MRPL28: variants seen among roughly 807,000 people sequenced by gnomAD.
The protein encoded by MRPL28 is mitochondrial ribosomal protein L28, also known as large ribosomal subunit protein bL28m.
MRPL28 carries 25 observed loss-of-function variants against 26.2 expected under a neutral mutation model. The observed-to-expected ratio is 0.95, with a 90% CI of 0.69 to 1.33. The LOEUF is 1.33. Among genes scored for constraint, MRPL28 ranks in the 40% most tolerant of loss-of-function variants. MRPL28 has a pLI of 0.00. For missense variants in MRPL28, 432 were observed against 327.2 expected (o/e 1.32, Z -2.47); for synonymous variants, 227 against 140.1 (o/e 1.62, Z -4.38).
At chr16:367,932 T>TC in intron 5 of MRPL28, 150 bp from the exon 6 acceptor site, 1 of 664,084 alleles carries the variant, frequency 1.5e-6, no homozygotes, top group Admixed American at 2.7e-5. Flanking sequence ...AGGAACCCCC[T>TC]CCCTTGGGGA....
chr16:368,974 AGCG>A, intron 3 of MRPL28, 91 bp downstream of exon 3: 1 of 1,441,376 alleles, frequency 6.9e-7, no homozygotes, highest in Non-Finnish European at 9.5e-7. Context: ...TGCAGATGTC[AGCG>A]TGCCCCGGTG....
At chr16:368,235 C>A (rs1383756950) in intron 5 of MRPL28, 93 bp downstream of exon 5, 2 of 1,424,808 alleles carry the variant, frequency 1.4e-6, no homozygotes, top group Non-Finnish European at 2.0e-6. Flanking sequence ...AGTGCACCAG[C>A]CCCTTGTGCA....
chr16:369,093 T>C lies in MRPL28; in HGVS notation c.416A>G (p.Tyr139Cys). The C allele has an allele frequency of 1.2e-6, 2 of 1,613,932 alleles. No homozygotes were observed. The highest frequency in any genetic ancestry group is 1.7e-5 in the Admixed American group (1 of 60,010). The stretch of plus-strand genomic sequence containing the variant: ...CTTGAGGATGTAAAAGTCGAGCCCA[T>C]AAGCCTCATCGATGAGGTCCAGGGT... ...MRTLDLIDEA[Y>C]GLDFYILKTP... The change falls in exon 3 of 6, where the codon TAT becomes TGT. Residue 139 changes from tyrosine (Y) to cysteine (C), a missense_variant. Physicochemically the swap from Tyr to Cys is radical, Grantham distance 194 (BLOSUM62 -2). Coordinates refer to ENST00000199706, the MANE Select transcript of MRPL28 (RefSeq NM_006428.5).
intron 2 of MRPL28, chr16:369,574 G>A (rs961878972): frequency 8.1e-6 from 5 of 615,746 alleles, no homozygotes; most frequent in Admixed American, 4.3e-5. Context: ...AGTCCCGCCA[G>A]GAAGTCCACC....
At chr16:369,718 G>C (rs1403702816) in intron 2 of MRPL28, 6 of 738,060 alleles carry the variant, frequency 8.1e-6, no homozygotes, top group Non-Finnish European at 2.3e-6. Flanking sequence ...TTGCTCCCCC[G>C]GCCTGAGTCA....
At chr16:368,263 C>T in intron 5 of MRPL28, 65 bp downstream of exon 5, 1 of 1,569,480 alleles carries the variant, frequency 6.4e-7, no homozygotes. Flanking sequence ...TCCAAGGCAG[C>T]ACACTCCCAG....
rs76061463 is a variant in MRPL28, at chr16:369,707, G to T, written c.288+224C>A. ...TTACCCCGACTCCCCACGGCCTCTG[G>T]TTGCTCCCCCGGCCTGAGTCACCCC... On this transcript the variant is annotated intron_variant, in intron 2 of 5. Coordinates refer to ENST00000199706, the MANE Select transcript of MRPL28 (RefSeq NM_006428.5). 1,920 of 713,896 alleles carry T rather than the reference G, an allele frequency of 2.7e-3. 31 individuals carry two copies. The African/African-American group carries it at 0.036, about 13-fold the overall frequency. 44.2% of individuals were successfully genotyped at this position (713,896 alleles called of 1,614,324 possible).
Position 367,054 on chromosome 16 carries a change from A to G in MRPL28, c.*621T>C, listed in dbSNP as rs976216514. Among the ~76,000 whole-genome samples the G allele has an allele frequency of 7.2e-5, 11 of 152,098 alleles. No homozygotes were observed. The highest frequency in any genetic ancestry group is 2.4e-4 in the African/African-American group (10 of 41,400). ...GAAACCCCTTCTCTACTAAAATACA[A>G]TTAGCCATACATGATAGCGGGGTGC... On this transcript the variant is annotated 3_prime_UTR_variant, in exon 6 of 6. Transcript: ENST00000199706.
rs751275185 is a variant in MRPL28, at chr16:369,133, T to G, written c.376A>C (p.Thr126Pro). 6.2e-7 allele frequency: 1 copy of G among 1,614,060 alleles called. No homozygotes were observed. The highest frequency in any genetic ancestry group is 1.1e-5 in the South Asian group (1 of 91,088). Residue 126 changes from threonine (T) to proline (P), a missense_variant, in exon 3 of 6, where the codon ACT becomes CCT. Coordinates refer to ENST00000199706, the MANE Select transcript of MRPL28 (RefSeq NM_006428.5). Reference sequence around the variant, plus strand: ...AGGTCCAGGGTCCGCATGGTCACAGTCACTGTGAACTTCTTGTCCAGGATC... The same window carrying G: ...AGGTCCAGGGTCCGCATGGTCACAGGCACTGTGAACTTCTTGTCCAGGATC... ...SEILDKKFTV[T>P]VTMRTLDLID...
At position 369,137 on chromosome 16, in the gene MRPL28, T is replaced by C. The variant is rs368450347; in HGVS notation, c.372A>G (p.Thr124=). ...FYSEILDKKF[T]VTVTMRTLDL... ...CCAGGGTCCGCATGGTCACAGTCAC[T>C]GTGAACTTCTTGTCCAGGATCTCAC... Residue 124 remains threonine, a synonymous_variant, in exon 3 of 6, where the codon ACA becomes ACG. Transcript: ENST00000199706. 6.9e-5 allele frequency: 111 copies of C among 1,613,956 alleles called. No homozygotes were observed. The highest frequency in any genetic ancestry group is 9.1e-5 in the Non-Finnish European group (107 of 1,179,952).
Position 368,405 on chromosome 16 carries a change from T to C in MRPL28, c.586A>G (p.Ile196Val), listed in dbSNP as rs2054280988. ...ACCCACTCTGCCTCCTCCTCTGGGA[T>C]GGCAAATTCCTAGGCAGGCAGAGAT... ...AIYDKYKEFAIPEEEAEWVGL... is the reference protein window; with the variant it reads ...AIYDKYKEFAVPEEEAEWVGL... Residue 196 changes from isoleucine (I) to valine (V), a missense_variant, in exon 5 of 6, where the codon ATC (isoleucine) becomes GTC (valine). Ile to Val is a conservative substitution (Grantham distance 29). Transcript: ENST00000199706. The C allele has an allele frequency of 7.4e-6, 12 of 1,613,724 alleles. No individual in the cohort carries two copies. The highest frequency in any genetic ancestry group is 1.0e-5 in the Non-Finnish European group (12 of 1,179,964).
chr16:370,181 C>T lies in MRPL28; in HGVS notation c.38G>A (p.Arg13Gln), dbSNP rs762549178. Residue 13 changes from arginine to glutamine, a missense_variant, in exon 2 of 6, where the codon CGG becomes CAG. By Grantham distance (43) the Arg-to-Gln change is conservative. Coordinates refer to ENST00000199706, the MANE Select transcript of MRPL28 (RefSeq NM_006428.5). ...ACAGATGCCCTCCCGCAGCTGCAGC[C>T]GCTTCCAGAGCCACACGGGATACTT... ...LHKYPVWLWKRLQLREGICSR... is the reference protein window; with the variant it reads ...LHKYPVWLWKQLQLREGICSR... 1.3e-6 allele frequency: 2 copies of T among 1,598,834 alleles called. No individual in the cohort carries two copies. The highest frequency in any genetic ancestry group is 2.2e-5 in the East Asian group (1 of 44,470).
chr16:368,846 GCCCCACGGGCAAGTCAGCCAC>G, intron 3 of MRPL28: 1 of 986,088 alleles, frequency 1.0e-6, no homozygotes, highest in Non-Finnish European at 1.4e-6. Context: ...GCTCGCTCAG[GCCCCACGGGCAAGTCAGCCAC>G]CCACAGAGCG....
chr16:369,307 C>G (rs577792200), intron 2 of MRPL28, 87 bp from the exon 3 acceptor site: 93 of 1,508,254 alleles, frequency 6.2e-5, no homozygotes, highest in South Asian at 1.1e-4. Context: ...ACCTCCCCCC[C>G]GGAGGCTCCA....
rs751059651 is a variant in MRPL28 at position 370,151 on chromosome 16, C to A, written c.68G>T (p.Arg23Leu). The A allele has an allele frequency of 1.2e-6, 2 of 1,602,544 alleles. No individual in the cohort carries two copies. The highest frequency in any genetic ancestry group is 1.7e-5 in the Admixed American group (1 of 58,888). ...GGAGCGCAGGTAGTGGCCGGGCAGG[C>A]GGGAACAGATGCCCTCCCGCAGCTG... ...RLQLREGICS[R>L]LPGHYLRSLE... Residue 23 changes from arginine to leucine, a missense_variant, in exon 2 of 6, where the codon CGC becomes CTC. By Grantham distance (102) the Arg-to-Leu change is moderately radical. Transcript: ENST00000199706.
rs747834328 is a variant in MRPL28, at chr16:369,599, AGCTCTGCTCGCCTCCCCCACCT to A, written c.288+310_288+331del. Reference sequence around the variant, plus strand: ...GGAAGTCCACCACAAGCAGCCTCGAAGCTCTGCTCGCCTCCCCCACCTGCTCTGCTCGCCTCTCCCACCTGCT... The same window carrying A: ...GGAAGTCCACCACAAGCAGCCTCGAAGCTCTGCTCGCCTCTCCCACCTGCT... On this transcript the variant is annotated intron_variant, in intron 2 of 5. Transcript: ENST00000199706. 717 of 615,098 alleles carry A rather than the reference AGCTCTGCTCGCCTCCCCCACCT, an allele frequency of 1.2e-3. 6 individuals are homozygous for A. Among genetic ancestry groups the A allele is most frequent in the South Asian group, 0.01 (653 of 64,028 alleles). 38.1% of individuals were successfully genotyped at this position (615,098 alleles called of 1,614,324 possible).
At position 369,936 on chromosome 16, in the gene MRPL28, CGTT is replaced by C; in HGVS notation, c.280_282del (p.Asn94del). Reference sequence around the variant, plus strand: ...AAGGCCGCCTGCGGACCCACCTTGTCGTTGTTGGCATATATTTGGCCCAGGATC... The same window carrying C: ...AAGGCCGCCTGCGGACCCACCTTGTCGTTGGCATATATTTGGCCCAGGATC... On this transcript the variant is annotated inframe_deletion, in exon 2 of 6. Coordinates refer to ENST00000199706, the MANE Select transcript of MRPL28 (RefSeq NM_006428.5). 1 of 1,609,322 alleles carries C rather than the reference CGTT, an allele frequency of 6.2e-7. No individual in the cohort carries two copies.
At position 370,133 on chromosome 16, in the gene MRPL28, A is replaced by G; in HGVS notation, c.86T>C (p.Leu29Pro). ...CGTCCGCTCCTCCTCCAGGGAGCGC[A>G]GGTAGTGGCCGGGCAGGCGGGAACA... ...GICSRLPGHY[L>P]RSLEEERTPT... Residue 29 changes from leucine to proline, a missense_variant, in exon 2 of 6, where the codon CTG becomes CCG. Leu to Pro is a moderately conservative substitution (Grantham distance 98). Transcript: ENST00000199706. The G allele has an allele frequency of 6.2e-7, 1 of 1,607,300 alleles. No homozygotes were observed.
chr16:370,188 A>G lies in MRPL28; in HGVS notation c.31T>C (p.Trp11Arg). 1.9e-6 allele frequency: 3 copies of G among 1,598,338 alleles called. No individual in the cohort carries two copies. The highest frequency in any genetic ancestry group is 8.5e-7 in the Non-Finnish European group (1 of 1,176,918). MPLHKYPVWL[W>R]KRLQLREGIC... ...CCCTCCCGCAGCTGCAGCCGCTTCC[A>G]GAGCCACACGGGATACTTGTGTAGA... is the stretch of plus-strand genomic sequence containing the variant. The change falls in exon 2 of 6, where the codon TGG becomes CGG. Residue 11 changes from tryptophan (W) to arginine (R), a missense_variant. Physicochemically the swap from Trp to Arg is moderately radical, Grantham distance 101. Transcript: ENST00000199706.
Sources: allele counts gnomAD v4.1 joint callset (sites outside exome capture counted in the v4.1 genomes callset), GRCh38; gene constraint gnomAD v4.1.1; transcripts MANE v1.5; gene names NCBI Gene and HGNC (gene_info 2026-07-23, HGNC 2026-07-21).